Variants in GLIS2 observed in about 807,000 individuals in gnomAD.
GLIS2 encodes zinc finger protein GLIS2.
Under a neutral mutation model 35.6 loss-of-function variants are expected in GLIS2, and 14 were observed. That is an observed-to-expected ratio of 0.39 (90% CI 0.26 to 0.61). GLIS2 has a LOEUF of 0.61. GLIS2 is among the 20% of genes least tolerant of loss of function. The probability of loss-of-function intolerance (pLI) is 0.48; values close to 1 mark genes in which losing one functional copy is unlikely to be tolerated. For synonymous variants in GLIS2, 368 were observed against 325.1 expected (o/e 1.13, Z -1.42); for missense variants, 675 against 713.4 (o/e 0.95, Z 0.61).
chr16:4,325,239 G>C (rs1308557339), intron 1 of GLIS2: 1 of 152,274 alleles, frequency 6.6e-6, no homozygotes, highest in Non-Finnish European at 1.5e-5. Flanking sequence ...ACATAGGAAG[G>C]GCCAATAGTG....
In GLIS2 at chr16:4,320,310, C is replaced by T. The variant is rs557094010; in HGVS notation, c.-67+4056C>T. ...GAGTCAGCCCCCGGCCGGGAGCCTCCGGAAAACAGTCCTGCCCGTCACATG... is the reference window on the plus strand; with the variant it reads ...GAGTCAGCCCCCGGCCGGGAGCCTCTGGAAAACAGTCCTGCCCGTCACATG... On this transcript the variant is annotated intron_variant, in intron 1 of 6. Transcript: ENST00000433375. The surrounding 1 kb of genome is among the most constrained non-coding windows in gnomAD (Gnocchi z 5.6). 2.0e-4 allele frequency among the ~76,000 whole-genome samples: 30 copies of T among 152,214 alleles called. No homozygotes were observed. Among genetic ancestry groups the T allele is most frequent in the Admixed American group, 5.2e-4 (8 of 15,298 alleles).
rs934412207 is a variant in GLIS2 at position 4,338,265 on chromosome 16, G to C, written c.*741G>C. ...ACCTTTTGGGGCACCCTGGGAGCGT[G>C]GGAAGCAGGTCCGAGGGCCCCTGAG... On this transcript the variant is annotated 3_prime_UTR_variant, in exon 7 of 7. Coordinates refer to ENST00000433375, the MANE Select transcript of GLIS2 (RefSeq NM_032575.3). 2.0e-5 allele frequency: 3 copies of C among 152,686 alleles called. No homozygotes were observed. The highest frequency in any genetic ancestry group is 7.2e-5 in the African/African-American group (3 of 41,460). The allele number at this position is 152,686 out of a possible 1,614,324, so 9.5% of individuals were successfully genotyped here.
Sources: allele counts gnomAD v4.1 joint callset (sites outside exome capture counted in the v4.1 genomes callset), GRCh38; gene constraint gnomAD v4.1.1; non-coding constraint Gnocchi (gnomAD v3.1); transcripts MANE v1.5; gene names NCBI Gene and HGNC (gene_info 2026-07-23, HGNC 2026-07-21).